The following TOMM5 variants were observed in gnomAD, a reference collection of about 807,000 sequenced individuals.
TOMM5 encodes the protein translocase of outer mitochondrial membrane 5.
Under a neutral mutation model 4.8 loss-of-function variants are expected in TOMM5, and 1 was observed. That is an observed-to-expected ratio of 0.21 (90% CI 0.07 to 0.99). The LOEUF is 0.99. Ranked by LOEUF, TOMM5 falls within the 50% of genes least tolerant of loss-of-function variation. TOMM5 has a pLI of 0.60. For missense variants in TOMM5, 60 were observed against 66.6 expected, an observed-to-expected ratio of 0.90 and a Z score of 0.35; for synonymous variants, 26 against 26.7, an observed-to-expected ratio of 0.97 and a Z score of 0.08.
rs190281179 is a variant in TOMM5, at chr9:37,590,455, G to C, written c.122-1523C>G. Among the ~76,000 whole-genome samples, 525 of 152,122 alleles carry C rather than the reference G, an allele frequency of 3.5e-3. 6 individuals carry two copies. Among genetic ancestry groups the C allele is most frequent in the African/African-American group, 0.012 (486 of 41,490 alleles). ...TAGACAAATCCATAGAGAAAAAGTA[G>C]ATTAGTCGTTGTGAAAGGCTGGAGA... On this transcript the variant is annotated intron_variant, in intron 1 of 1. Coordinates refer to ENST00000321301, the MANE Select transcript of TOMM5 (RefSeq NM_001001790.3).
intron 1 of TOMM5, 140 bp from the exon 2 acceptor site, chr9:37,589,072 AAGGG>A (rs1263797190): frequency 1.5e-6 from 1 of 687,940 alleles, no homozygotes; most frequent in Non-Finnish European, 2.4e-6. Flanking sequence ...AGCCCAGCAA[AAGGG>A]ACTAGTTGCC....
At chr9:37,589,912 G>C (rs956820546) in intron 1 of TOMM5, among the ~76,000 whole-genome samples, 2 of 152,056 alleles carry the variant, frequency 1.3e-5, no homozygotes, top group Non-Finnish European at 2.9e-5. Context: ...AATTCTTAAC[G>C]ACAGAAAAAA....
At chr9:37,590,676 G>T (rs1823085820) in intron 1 of TOMM5, among the ~76,000 whole-genome samples, 1 of 152,052 alleles carries the variant, frequency 6.6e-6, no homozygotes, top group Non-Finnish European at 1.5e-5. Flanking sequence ...CAAATACAAA[G>T]GTCACTGAGA....
chr9:37,590,243 T>G (rs2119234461), intron 1 of TOMM5, among the ~76,000 whole-genome samples: 1 of 152,132 alleles, frequency 6.6e-6, no homozygotes, highest in Admixed American at 6.5e-5. Flanking sequence ...AAATAAAAAA[T>G]TAGCAGGGCG....
In TOMM5 at chr9:37,588,650, T is replaced by C; in HGVS notation, c.*248A>G. ...GACATTATTTACAATTATACCAGTA[T>C]TGTCAGAGGCCAAACGTCACAGGGA... On this transcript the variant is annotated 3_prime_UTR_variant, in exon 2 of 2. Coordinates refer to ENST00000321301, the MANE Select transcript of TOMM5 (RefSeq NM_001001790.3). The C allele has an allele frequency of 3.0e-6, 2 of 656,530 alleles. No individual in the cohort carries two copies. The highest frequency in any genetic ancestry group is 5.6e-6 in the Non-Finnish European group (2 of 358,846). 40.7% of individuals were successfully genotyped at this position (656,530 alleles called of 1,614,324 possible). A position where few individuals can be genotyped will look rare whatever the true frequency, so the allele number is the denominator to read the frequency against.
chr9:37,590,403 C>T (rs1425104021), intron 1 of TOMM5, among the ~76,000 whole-genome samples: 1 of 143,722 alleles, frequency 7.0e-6, no homozygotes, highest in African/African-American at 2.6e-5. Flanking sequence ...AAGACCGTCT[C>T]AAAAAAAAGA....
Position 37,588,840 on chromosome 9 carries a change from G to C in TOMM5, c.*58C>G. ...TTCTGGGCCTATTCACTTGCAGAGA[G>C]GAGTCGAAACTGTAACCAGGCTCTT... On this transcript the variant is annotated 3_prime_UTR_variant, in exon 2 of 2. Coordinates refer to ENST00000321301, the MANE Select transcript of TOMM5 (RefSeq NM_001001790.3). 7 of 1,537,898 alleles carry C rather than the reference G, an allele frequency of 4.6e-6. No individual in the cohort carries two copies. The highest frequency in any genetic ancestry group is 6.3e-6 in the Non-Finnish European group (7 of 1,110,620).
In TOMM5 at chr9:37,591,695, GAA is replaced by G. The variant is rs34121872; in HGVS notation, c.121+715_121+716del. Among the ~76,000 whole-genome samples, 133 of 137,672 alleles carry G rather than the reference GAA, an allele frequency of 9.7e-4. 1 individual carries two copies. Among genetic ancestry groups the G allele is most frequent in the East Asian group, 3.4e-3 (16 of 4,732 alleles). The allele number at this position is 137,672 out of a possible 152,430, so 90.3% of individuals were successfully genotyped here. A position where few individuals can be genotyped will look rare whatever the true frequency, so the allele number is the denominator to read the frequency against. On this transcript the variant is annotated intron_variant, in intron 1 of 1. Transcript: ENST00000321301. ...CAACAGGGCGTGACTGTGTATCGAG[GAA>G]AAAAAAAAAAAAGAAAAGAAAAGAA...
chr9:37,592,412 T>C lies in TOMM5; in HGVS notation c.121A>G (p.Thr41Ala), dbSNP rs549894132. Residue 41 changes from threonine (T) to alanine (A), a missense_variant and splice_region_variant, in exon 1 of 2, where the codon ACT becomes GCT. Coordinates refer to ENST00000321301, the MANE Select transcript of TOMM5 (RefSeq NM_001001790.3). ...CAGTCACAGCCCGGGAGACACTCAC[T>C]GACTCGCAGGAGGGCCACGTAGATG... ...FLIYVALLRVTPFILKKLDSI is the reference protein window; with the variant it reads ...FLIYVALLRVAPFILKKLDSI 3 of 1,614,098 alleles carry C rather than the reference T, an allele frequency of 1.9e-6. No individual in the cohort carries two copies. The South Asian group carries it at 3.3e-5, about 18-fold the overall frequency.
intron 1 of TOMM5, among the ~76,000 whole-genome samples, chr9:37,591,338 C>T (rs1823097593): frequency 6.6e-6 from 1 of 152,060 alleles, no homozygotes; most frequent in South Asian, 2.1e-4. Context: ...CTCACTTCAC[C>T]CTCTATACAA....
rs1823051708 is a variant in TOMM5 at position 37,588,587 on chromosome 9, GAC to G, written c.*309_*310del. ...TGACTGACAAGACAGTGCCATTTCAGACACAGCTCCCTTAATACTTGCTAGAA... is the reference window on the plus strand; with the variant it reads ...TGACTGACAAGACAGTGCCATTTCAGACAGCTCCCTTAATACTTGCTAGAA... On this transcript the variant is annotated 3_prime_UTR_variant, in exon 2 of 2. Transcript: ENST00000321301. The G allele has an allele frequency of 1.0e-5, 5 of 488,466 alleles. No homozygotes were observed. The highest frequency in any genetic ancestry group is 9.2e-5 in the Admixed American group (3 of 32,498). 30.3% of individuals were successfully genotyped at this position (488,466 alleles called of 1,614,324 possible). A position where few individuals can be genotyped will look rare whatever the true frequency, so the allele number is the denominator to read the frequency against.
At chr9:37,592,232 C>G in intron 1 of TOMM5, 180 bp downstream of exon 1, 1 of 1,537,440 alleles carries the variant, frequency 6.5e-7, no homozygotes, top group South Asian at 1.2e-5. Flanking sequence ...CACTTCAGTG[C>G]CCGGACCCTG....
In TOMM5 at chr9:37,588,860, G is replaced by T; in HGVS notation, c.*38C>A. The stretch of plus-strand genomic sequence containing the variant: ...AGAGAGGAGTCGAAACTGTAACCAG[G>T]CTCTTCATATCGTGCATTCATATGT... On this transcript the variant is annotated 3_prime_UTR_variant, in exon 2 of 2. Coordinates refer to ENST00000321301, the MANE Select transcript of TOMM5 (RefSeq NM_001001790.3). 6.2e-7 allele frequency: 1 copy of T among 1,608,028 alleles called. No homozygotes were observed. Among genetic ancestry groups the T allele is most frequent in the Non-Finnish European group, 8.5e-7 (1 of 1,174,480 alleles).
chr9:37,592,339 C>T (rs1823118518), intron 1 of TOMM5, 73 bp downstream of exon 1: 1 of 1,607,130 alleles, frequency 6.2e-7, no homozygotes, highest in Non-Finnish European at 8.5e-7. Context: ...GCCCCGATGA[C>T]CCCTTAGAGT....
rs760478650 is a variant in TOMM5, at chr9:37,588,545, A to T, written c.*353T>A. 1.2e-5 allele frequency: 5 copies of T among 413,028 alleles called. No individual in the cohort carries two copies. Among genetic ancestry groups the T allele is most frequent in the Non-Finnish European group, 2.3e-5 (5 of 219,878 alleles). The allele number at this position is 413,028 out of a possible 1,614,324, so 25.6% of individuals were successfully genotyped here. On this transcript the variant is annotated 3_prime_UTR_variant, in exon 2 of 2. Coordinates refer to ENST00000321301, the MANE Select transcript of TOMM5 (RefSeq NM_001001790.3). ...TTCACAAATACACTCTGGGCAGAAG[A>T]AAAAGGTAAACAGAAATGACTGACA...
chr9:37,591,140 C>G (rs1823093288), intron 1 of TOMM5, among the ~76,000 whole-genome samples: 1 of 152,140 alleles, frequency 6.6e-6, no homozygotes, highest in Non-Finnish European at 1.5e-5. Context: ...CTCTGAAAAT[C>G]AAGTTCTCAT....
chr9:37,588,474 AT>A lies in TOMM5; in HGVS notation c.*423del. On this transcript the variant is annotated 3_prime_UTR_variant, in exon 2 of 2. Transcript: ENST00000321301. The stretch of plus-strand genomic sequence containing the variant: ...AATAATGATCCTGTGCTTAAATGTC[AT>A]TGTGGTTGTGTGCTGATTTCCACAA... 3.5e-6 allele frequency: 1 copy of A among 288,168 alleles called. No individual in the cohort carries two copies. Among genetic ancestry groups the A allele is most frequent in the South Asian group, 3.6e-5 (1 of 27,630 alleles). 17.9% of individuals were successfully genotyped at this position (288,168 alleles called of 1,614,324 possible).
intron 1 of TOMM5, chr9:37,592,154 C>G (rs1054530368): frequency 2.0e-5 from 29 of 1,418,426 alleles, no homozygotes; most frequent in Non-Finnish European, 2.7e-5. Flanking sequence ...CCAACGCGCC[C>G]GGCAGCTCAA....
intron 1 of TOMM5, chr9:37,592,104 C>A: frequency 9.6e-7 from 1 of 1,041,260 alleles, no homozygotes; most frequent in Admixed American, 2.9e-5. Context: ...ATCCGCCCGC[C>A]TCGGCTTCAC....
Sources: allele counts gnomAD v4.1 joint callset (sites outside exome capture counted in the v4.1 genomes callset), GRCh38; gene constraint gnomAD v4.1.1; transcripts MANE v1.5; gene names NCBI Gene and HGNC (gene_info 2026-07-23, HGNC 2026-07-21).